TLE3: variants seen among roughly 807,000 people sequenced by gnomAD.
TLE3 encodes the protein TLE family member 3, transcriptional corepressor.
Under a neutral mutation model 93.0 loss-of-function variants are expected in TLE3, and 14 were observed. The ratio of observed to expected loss-of-function variants is 0.15; its 90% CI spans 0.10 to 0.24. The LOEUF (loss-of-function observed/expected upper bound fraction) is 0.24, where lower values mean the gene tolerates loss of function less well. Among genes scored for constraint, TLE3 ranks in the 10% least tolerant of loss-of-function variants. The pLI, the probability that TLE3 is intolerant of heterozygous loss-of-function variation, is 1.00. For synonymous variants in TLE3, 451 were observed against 425.0 expected, an observed-to-expected ratio of 1.06 and a Z score of -0.75; for missense variants, 693 against 1,046.6, an observed-to-expected ratio of 0.66 and a Z score of 4.66.
At chr15:70,052,940 T>C (rs370649185) in intron 17 of TLE3, 4 of 424,434 alleles carry the variant, frequency 9.4e-6, no homozygotes, top group African/African-American at 5.9e-5. Context: ...AGGGTGCTAC[T>C]ATTATTTCCA....
intron 19 of TLE3, chr15:70,051,172 C>G (rs2055501187): frequency 2.3e-6 from 1 of 434,046 alleles, no homozygotes; most frequent in African/African-American, 2.0e-5. Context: ...GGGTCAGAAG[C>G]CATCAGTAGC....
chr15:70,074,928 G>C (rs781713893), intron 5 of TLE3, among the ~76,000 whole-genome samples: 1 of 152,232 alleles, frequency 6.6e-6, no homozygotes, highest in Non-Finnish European at 1.5e-5. Flanking sequence ...CTGGATATCA[G>C]ATGATATTAC....
Position 70,097,146 on chromosome 15 carries a change from G to A in TLE3, c.-348C>T, listed in dbSNP as rs924220022. The A allele has an allele frequency of 2.1e-5, 9 of 422,354 alleles. No homozygotes were observed. Among genetic ancestry groups the A allele is most frequent in the Non-Finnish European group, 3.7e-5 (9 of 243,650 alleles). 26.2% of individuals were successfully genotyped at this position (422,354 alleles called of 1,614,324 possible). A position where few individuals can be genotyped will look rare whatever the true frequency, so the allele number is the denominator to read the frequency against. ...CTGCGCGGACATCGTCGGCTCCCCA[G>A]CAGGTCCGGCGCGGGGTCCCGAGGC... On this transcript the variant is annotated 5_prime_UTR_variant, in exon 1 of 20. Coordinates refer to ENST00000451782, the MANE Select transcript of TLE3 (RefSeq NM_001105192.3).
In TLE3 at chr15:70,084,567, A is replaced by G. The variant is rs114872844; in HGVS notation, c.235-8409T>C. ...TAGACATGTGGGAAGACCACAGAAG[A>G]CCTCATCTTGATATAGCCTATGGAT... On this transcript the variant is annotated intron_variant, in intron 4 of 19. Coordinates refer to ENST00000451782, the MANE Select transcript of TLE3 (RefSeq NM_001105192.3). 6.0e-3 allele frequency among the ~76,000 whole-genome samples: 917 copies of G among 152,278 alleles called. 9 individuals are homozygous for G. Among genetic ancestry groups the G allele is most frequent in the African/African-American group, 0.021 (880 of 41,550 alleles).
At chr15:70,082,868 G>A (rs1243408108) in intron 4 of TLE3, among the ~76,000 whole-genome samples, 1 of 152,194 alleles carries the variant, frequency 6.6e-6, no homozygotes, top group Non-Finnish European at 1.5e-5. Context: ...TCAACGGCAA[G>A]GGACTCTGGG....
At chr15:70,059,569 C>G in intron 9 of TLE3, 109 bp from the exon 10 acceptor site, 1 of 1,055,750 alleles carries the variant, frequency 9.5e-7, no homozygotes, top group Non-Finnish European at 1.4e-6. Context: ...GAAGCCAGGC[C>G]AAACCCCAAA....
chr15:70,049,796 G>T lies in TLE3; in HGVS notation c.*301C>A. On this transcript the variant is annotated 3_prime_UTR_variant, in exon 20 of 20. Coordinates refer to ENST00000451782, the MANE Select transcript of TLE3 (RefSeq NM_001105192.3). Reference sequence around the variant, plus strand: ...GAAGAACAAACAGAGACTCATGAGCGGGTCTGTGGGGGAACCGGAGCCATA... The same window carrying T: ...GAAGAACAAACAGAGACTCATGAGCTGGTCTGTGGGGGAACCGGAGCCATA... 3.4e-6 allele frequency: 1 copy of T among 295,310 alleles called. No homozygotes were observed. The highest frequency in any genetic ancestry group is 6.6e-6 in the Non-Finnish European group (1 of 151,958). The allele number at this position is 295,310 out of a possible 1,614,324, so 18.3% of individuals were successfully genotyped here.
At position 70,062,536 on chromosome 15, in the gene TLE3, G is replaced by T. The variant is rs1331658914; in HGVS notation, c.595-1887C>A. 2.6e-5 allele frequency among the ~76,000 whole-genome samples: 4 copies of T among 152,322 alleles called. No homozygotes were observed. The East Asian group carries it at 5.8e-4, about 22-fold the overall frequency. On this transcript the variant is annotated intron_variant, in intron 8 of 19. Transcript: ENST00000451782. ...GCATTTAGCGGCATCGATCCAGCCC[G>T]CCTCTGGCTGGCAGGCGGCCAAAAA... is the stretch of plus-strand genomic sequence containing the variant.
At position 70,059,431 on chromosome 15, in the gene TLE3, C is replaced by T; in HGVS notation, c.744G>A (p.Leu248=). Residue 248 remains leucine, a synonymous_variant, in exon 10 of 20, where the codon CTG becomes CTA. Transcript: ENST00000451782. ...YDSDGDKSDD[L]VVDVSNEDPA... Reference sequence around the variant, plus strand: ...ATACCTCATTGGAAACATCCACCACCAGATCATCACTCTTGTCTCCATCAC... The same window carrying T: ...ATACCTCATTGGAAACATCCACCACTAGATCATCACTCTTGTCTCCATCAC... 1 of 1,611,310 alleles carries T rather than the reference C, an allele frequency of 6.2e-7. No individual in the cohort carries two copies. Among genetic ancestry groups the T allele is most frequent in the South Asian group, 1.1e-5 (1 of 90,270 alleles).
intron 13 of TLE3, among the ~76,000 whole-genome samples, chr15:70,056,815 G>A (rs552038781): frequency 1.3e-5 from 2 of 152,288 alleles, no homozygotes; most frequent in South Asian, 2.1e-4. Context: ...AAGCTGGAGC[G>A]CGGTGGTGCA....
At chr15:70,093,241 C>T (rs2058384518) in intron 4 of TLE3, among the ~76,000 whole-genome samples, 1 of 152,210 alleles carries the variant, frequency 6.6e-6, no homozygotes, top group Admixed American at 6.5e-5. Flanking sequence ...TGGCTTCCCA[C>T]ACATTGCTCA....
chr15:70,051,139 G>A (rs991410434), intron 19 of TLE3: 16 of 364,704 alleles, frequency 4.4e-5, no homozygotes, highest in African/African-American at 1.3e-4. Context: ...CAAGCGCCCC[G>A]GCTTAGAAGC....
chr15:70,081,659 G>A (rs934267122), intron 4 of TLE3, among the ~76,000 whole-genome samples: 3 of 152,230 alleles, frequency 2.0e-5, no homozygotes, highest in South Asian at 2.1e-4. Flanking sequence ...ACAGGCAAGC[G>A]GCCATCCCAT....
chr15:70,088,524 A>G (rs2142002441), intron 4 of TLE3, among the ~76,000 whole-genome samples: 1 of 152,348 alleles, frequency 6.6e-6, no homozygotes, highest in Non-Finnish European at 1.5e-5. Flanking sequence ...TTTGTTGAAA[A>G]CAAGATATTG....
chr15:70,065,979 G>GCCCCCCCCC, intron 7 of TLE3, 35 bp downstream of exon 7: 2 of 1,089,102 alleles, frequency 1.8e-6, no homozygotes, highest in Non-Finnish European at 2.8e-6. Flanking sequence ...GCCCACCCCT[G>GCCCCCCCCC]CCCCGCCCCA....
chr15:70,053,530 C>G, intron 16 of TLE3, 156 bp from the exon 17 acceptor site: 1 of 863,930 alleles, frequency 1.2e-6, no homozygotes, highest in Non-Finnish European at 1.7e-6. Flanking sequence ...AAAGCTAGCC[C>G]CGGCCTCTTT....
chr15:70,093,870 C>A lies in TLE3; in HGVS notation c.234+662G>T, dbSNP rs1018732799. On this transcript the variant is annotated intron_variant, in intron 4 of 19. Transcript: ENST00000451782. ...CTCAACCCCCAGCCATCTCGAAAGT[C>A]CTGGCTAGGCTGCCCCTGGGCAAGT... Among the ~76,000 whole-genome samples, 3 of 152,166 alleles carry A rather than the reference C, an allele frequency of 2.0e-5. No homozygotes were observed. The South Asian group carries it at 6.2e-4, about 32-fold the overall frequency.
rs565028529 is a variant in TLE3, at chr15:70,048,454, C to G, written c.*1643G>C. The G allele has an allele frequency of 1.3e-5, 2 of 152,134 alleles. No homozygotes were observed. Among genetic ancestry groups the G allele is most frequent in the African/African-American group, 4.8e-5 (2 of 41,424 alleles). 9.4% of individuals were successfully genotyped at this position (152,134 alleles called of 1,614,324 possible). A position where few individuals can be genotyped will look rare whatever the true frequency, so the allele number is the denominator to read the frequency against. On this transcript the variant is annotated 3_prime_UTR_variant, in exon 20 of 20. Coordinates refer to ENST00000451782, the MANE Select transcript of TLE3 (RefSeq NM_001105192.3). ...CCGGTGCGCTCAGCTGGGGAGCAAC[C>G]TCACTGAAGGTGGGTGGCTTTCCCT... is the stretch of plus-strand genomic sequence containing the variant.
At chr15:70,063,014 T>A (rs2056591087) in intron 8 of TLE3, among the ~76,000 whole-genome samples, 1 of 152,174 alleles carries the variant, frequency 6.6e-6, no homozygotes, top group Non-Finnish European at 1.5e-5. Flanking sequence ...AGGTAAAGAC[T>A]CATGCTCTTT....
Sources: allele counts gnomAD v4.1 joint callset (sites outside exome capture counted in the v4.1 genomes callset), GRCh38; gene constraint gnomAD v4.1.1; transcripts MANE v1.5; gene names NCBI Gene and HGNC (gene_info 2026-07-23, HGNC 2026-07-21).